CROCC2: variants seen among roughly 807,000 people sequenced by gnomAD.
CROCC2 encodes ciliary rootlet coiled-coil, rootletin family member 2.
A neutral mutation model predicts 177.6 loss-of-function variants in CROCC2; 163 were observed. That is an observed-to-expected ratio of 0.92 (90% CI 0.81 to 1.05). CROCC2 has a LOEUF of 1.05. CROCC2 is among the 50% of genes least tolerant of loss of function. The pLI is 0.00. For missense variants in CROCC2, 1,929 were observed against 1,797.8 expected (o/e 1.07, Z -1.32); for synonymous variants, 904 against 787.3 (o/e 1.15, Z -2.48).
Position 240,982,836 on chromosome 2 carries a change from A to T in CROCC2, c.4402-44A>T. 1 of 1,517,800 alleles carries T rather than the reference A, an allele frequency of 6.6e-7. No homozygotes were observed. The highest frequency in any genetic ancestry group is 8.9e-7 in the Non-Finnish European group (1 of 1,127,342). 94.0% of individuals were successfully genotyped at this position (1,517,800 alleles called of 1,614,324 possible). A position where few individuals can be genotyped will look rare whatever the true frequency, so the allele number is the denominator to read the frequency against. ...CCAGGGTTTCCCTGCAGGGCCTCCC[A>T]CCCCCAGTGTCTCCAGGTGGACCCT... On this transcript the variant is annotated intron_variant, in intron 27 of 31. Transcript: ENST00000690015. This position sits in a 1 kb window ranked among gnomAD's most constrained non-coding sequence, Gnocchi z 4.7.
intron 27 of CROCC2, chr2:240,981,516 A>T (rs2059799915): frequency 6.6e-6 from 1 of 152,210 alleles, no homozygotes. Flanking sequence ...AGTACCACTC[A>T]ATTATTACGG....
At chr2:240,967,771 G>T (rs1349968409) in intron 26 of CROCC2, among the ~76,000 whole-genome samples, 1 of 151,982 alleles carries the variant, frequency 6.6e-6, no homozygotes, top group Admixed American at 6.5e-5. Context: ...TCCCACTGGG[G>T]GCCTTTGCCC....
chr2:240,950,148 C>G (rs931656872), intron 17 of CROCC2, among the ~76,000 whole-genome samples, 186 bp from the exon 18 acceptor site: 18 of 152,148 alleles, frequency 1.2e-4, no homozygotes, highest in African/African-American at 4.3e-4. Flanking sequence ...TGCTGAGACA[C>G]AGAGAGGCCC....
chr2:240,940,159 T>C (rs2059488163), intron 14 of CROCC2, among the ~76,000 whole-genome samples: 1 of 152,190 alleles, frequency 6.6e-6, no homozygotes, highest in Non-Finnish European at 1.5e-5. Flanking sequence ...GGCATTACAA[T>C]CTCTAGCTGT....
chr2:240,925,684 G>T (rs1574752816), intron 4 of CROCC2, 40 bp from the exon 5 acceptor site: 1 of 680,714 alleles, frequency 1.5e-6, no homozygotes, highest in South Asian at 1.6e-5. Context: ...CTTAGGAGAG[G>T]CTTCCTACCC....
chr2:240,925,754 C>T lies in CROCC2; in HGVS notation c.519C>T (p.Leu173=), dbSNP rs774202072. 8.4e-6 allele frequency: 6 copies of T among 716,818 alleles called. No homozygotes were observed. In the Admixed American group the frequency reaches 1.2e-4, roughly 14 times the overall value. 44.4% of individuals were successfully genotyped at this position (716,818 alleles called of 1,614,324 possible). A position where few individuals can be genotyped will look rare whatever the true frequency, so the allele number is the denominator to read the frequency against. ...RSTGLCQVNA[L]LREQLEHMKK... ...CCGGCCTCTGTCAGGTGAACGCGCT[C>T]CTGCGGGAGCAGCTGGAACATATGA... The change falls in exon 5 of 32, where the codon CTC becomes CTT. Residue 173 remains leucine (L), a synonymous_variant. Coordinates refer to ENST00000690015, the MANE Select transcript of CROCC2 (RefSeq NM_001351305.2).
intron 2 of CROCC2, among the ~76,000 whole-genome samples, 200 bp downstream of exon 2, chr2:240,919,076 G>T (rs1190686785): frequency 3.6e-5 from 5 of 137,666 alleles, no homozygotes; most frequent in African/African-American, 1.3e-4. Context: ...CTGGGCCCGG[G>T]GCTGGGCAAG....
chr2:240,932,139 G>A (rs1258067390), intron 7 of CROCC2, among the ~76,000 whole-genome samples, 179 bp from the exon 8 acceptor site: 1 of 152,192 alleles, frequency 6.6e-6, no homozygotes, highest in African/African-American at 2.4e-5. Flanking sequence ...AGCCACTGAA[G>A]GCTCTGTGGC....
chr2:240,951,926 G>A (rs1338628758), intron 18 of CROCC2, among the ~76,000 whole-genome samples: 1 of 152,146 alleles, frequency 6.6e-6, no homozygotes, highest in Admixed American at 6.5e-5. Context: ...CCCTATAAAA[G>A]CTACCGAGTC....
intron 15 of CROCC2, among the ~76,000 whole-genome samples, chr2:240,947,940 G>C (rs969618186): frequency 6.6e-6 from 1 of 152,160 alleles, no homozygotes; most frequent in Non-Finnish European, 1.5e-5. Context: ...CCCAAGGAGA[G>C]AGAGGCTGGG....
chr2:240,935,010 T>C lies in CROCC2; in HGVS notation c.1886T>C (p.Leu629Ser). ...QRDSLAAMAA[L>S]MEGLAQDKSA... ...GACTCCCTGGCCGCAATGGCCGCCT[T>C]GATGGAGGGGTTGGCTCAGGACAAA... The change falls in exon 13 of 32, where the codon TTG becomes TCG. Residue 629 changes from leucine (L) to serine (S), a missense_variant. Leu to Ser is a moderately radical substitution (Grantham distance 145). Around this residue, in one of 3 missense-constraint regions of CROCC2, gnomAD observed 1,397 missense variants for 1,239.9 expected, o/e 1.13. Transcript: ENST00000690015. 2.1e-6 allele frequency: 3 copies of C among 1,437,858 alleles called. No homozygotes were observed. Among genetic ancestry groups the C allele is most frequent in the Non-Finnish European group, 2.7e-6 (3 of 1,093,456 alleles). The allele number at this position is 1,437,858 out of a possible 1,614,324, so 89.1% of individuals were successfully genotyped here.
intron 21 of CROCC2, 90 bp from the exon 22 acceptor site, chr2:240,964,376 T>C: frequency 6.8e-7 from 1 of 1,464,340 alleles, no homozygotes; most frequent in African/African-American, 1.4e-5. Flanking sequence ...CTGGGGCCAG[T>C]GCCTCACTAG....
chr2:240,932,497 T>C (rs771322975), intron 8 of CROCC2, 83 bp downstream of exon 8: 2 of 709,930 alleles, frequency 2.8e-6, no homozygotes, highest in South Asian at 3.0e-5. Context: ...GGAAGCCTGG[T>C]GCGGCAGTGG....
At chr2:240,968,378 G>A (rs2059699065) in intron 27 of CROCC2, 116 bp downstream of exon 27, 2 of 1,294,258 alleles carry the variant, frequency 1.5e-6, no homozygotes, top group Non-Finnish European at 1.0e-6. Flanking sequence ...GGGTCTGCAA[G>A]GGCTTCTGTG....
intron 14 of CROCC2, among the ~76,000 whole-genome samples, chr2:240,936,322 G>T (rs545318550): frequency 6.6e-6 from 1 of 152,092 alleles, no homozygotes; most frequent in African/African-American, 2.4e-5. Flanking sequence ...GTTCCCCCAC[G>T]TGCCTTCAGC....
At chr2:240,946,559 C>T (rs184269802) in intron 15 of CROCC2, among the ~76,000 whole-genome samples, 7 of 152,348 alleles carry the variant, frequency 4.6e-5, no homozygotes, top group Admixed American at 4.6e-4. Flanking sequence ...CTGAGGAGTT[C>T]AGGGTGAATC....
At chr2:240,923,083 C>A (rs1331697508) in intron 4 of CROCC2, among the ~76,000 whole-genome samples, 1 of 152,090 alleles carries the variant, frequency 6.6e-6, no homozygotes, top group East Asian at 1.9e-4. Flanking sequence ...GCTCCACAGG[C>A]CAGGAGCAGG....
Position 240,934,971 on chromosome 2 carries a change from G to C in CROCC2, c.1847G>C (p.Gly616Ala). The C allele has an allele frequency of 6.6e-7, 1 of 1,509,866 alleles. No individual in the cohort carries two copies. The highest frequency in any genetic ancestry group is 2.2e-5 in the Admixed American group (1 of 45,720). The allele number at this position is 1,509,866 out of a possible 1,614,324, so 93.5% of individuals were successfully genotyped here. The change falls in exon 13 of 32, where the codon GGA becomes GCA. Residue 616 changes from glycine (G) to alanine (A), a missense_variant. Gly to Ala is a moderately conservative substitution (Grantham distance 60, BLOSUM62 0). Transcript: ENST00000690015. ...ELLVRRLKSE[G>A]VEQRDSLAAM... ...CTTGTGAGGCGGCTGAAGTCGGAGG[G>C]AGTGGAGCAAAGGGACTCCCTGGCC...
Position 240,933,352 on chromosome 2 carries a change from T to C in CROCC2, c.1463+10T>C. On this transcript the variant is annotated intron_variant, in intron 10 of 31. Transcript: ENST00000690015. ...GCAAGCTCCTGGGGAGGTAATGGGGTGAAGGGGTTGCACGGCCTTGCACAG... is the reference window on the plus strand; with the variant it reads ...GCAAGCTCCTGGGGAGGTAATGGGGCGAAGGGGTTGCACGGCCTTGCACAG... The C allele has an allele frequency of 6.7e-7, 1 of 1,501,390 alleles. No individual in the cohort carries two copies. Among genetic ancestry groups the C allele is most frequent in the Non-Finnish European group, 8.9e-7 (1 of 1,128,462 alleles). The allele number at this position is 1,501,390 out of a possible 1,614,324, so 93.0% of individuals were successfully genotyped here.
Sources: gnomAD v4.1 joint callset for allele counts (sites outside exome capture counted in the v4.1 genomes callset) on GRCh38, gnomAD v4.1.1 for gene constraint, gnomAD v4.1.1 regional missense constraint, Gnocchi (gnomAD v3.1) non-coding constraint, MANE v1.5 for transcripts, NCBI Gene and HGNC (gene_info 2026-07-23, HGNC 2026-07-21) for gene names.